The following RNF130 variants were observed in gnomAD, a reference collection of about 807,000 sequenced individuals.
The protein encoded by RNF130 is E3 ubiquitin-protein ligase RNF130.
RNF130 carries 21 observed loss-of-function variants against 44.6 expected under a neutral mutation model. The ratio of observed to expected loss-of-function variants is 0.47; its 90% CI spans 0.33 to 0.68. The LOEUF (loss-of-function observed/expected upper bound fraction) is 0.68, where lower values mean the gene tolerates loss of function less well. Among genes scored for constraint, RNF130 ranks in the 30% least tolerant of loss-of-function variants. The probability of loss-of-function intolerance (pLI) is 0.02; values close to 1 mark genes in which losing one functional copy is unlikely to be tolerated. For synonymous variants in RNF130, 214 were observed against 210.4 expected (o/e 1.02, Z -0.15); for missense variants, 479 against 560.6 (o/e 0.85, Z 1.47).
chr5:179,983,672 TAA>T (rs1253634526), intron 3 of RNF130, among the ~76,000 whole-genome samples: 1 of 152,180 alleles, frequency 6.6e-6, no homozygotes, highest in African/African-American at 2.4e-5. Context: ...ATCTCTATGA[TAA>T]AAGACATCAG....
intron 4 of RNF130, among the ~76,000 whole-genome samples, chr5:179,979,105 G>T (rs1157178820): frequency 6.6e-6 from 1 of 151,930 alleles, no homozygotes; most frequent in Non-Finnish European, 1.5e-5. Flanking sequence ...AGTCAGATGG[G>T]TAGGTTAAAT....
intron 1 of RNF130, among the ~76,000 whole-genome samples, chr5:180,052,810 T>C (rs934829520): frequency 6.6e-6 from 1 of 152,088 alleles, no homozygotes; most frequent in Non-Finnish European, 1.5e-5. Context: ...CTGAGAGAGA[T>C]TGCTCACCTG....
At chr5:179,998,282 T>C (rs1027718572) in intron 3 of RNF130, among the ~76,000 whole-genome samples, 1 of 152,254 alleles carries the variant, frequency 6.6e-6, no homozygotes, top group Non-Finnish European at 1.5e-5. Context: ...TATTTTCTTT[T>C]CATTTTACTG....
chr5:179,995,546 G>A (rs1763181620), intron 3 of RNF130, among the ~76,000 whole-genome samples: 1 of 152,210 alleles, frequency 6.6e-6, no homozygotes, highest in Admixed American at 6.5e-5. Flanking sequence ...TTTGCTATGA[G>A]CTAGGACTGA....
At chr5:179,968,656 ACT>A (rs1384521738) in intron 6 of RNF130, among the ~76,000 whole-genome samples, 7 of 140,516 alleles carry the variant, frequency 5.0e-5, no homozygotes, top group Non-Finnish European at 7.5e-5. Context: ...ACAAAGGGAG[ACT>A]CTGTCTCATA....
downstream of RNF130, among the ~76,000 whole-genome samples, chr5:179,950,308 G>A (rs997967101): frequency 3.3e-5 from 5 of 151,976 alleles, no homozygotes; most frequent in Admixed American, 3.3e-4. Context: ...GTAGAGATGG[G>A]GTTTTGCCAT....
intron 7 of RNF130, among the ~76,000 whole-genome samples, chr5:179,930,765 G>A (rs757887135): frequency 2.0e-4 from 31 of 152,142 alleles, no homozygotes; most frequent in Non-Finnish European, 3.8e-4. Context: ...GAGGCTGGGC[G>A]TGGTGGCTCA....
intron 7 of RNF130, among the ~76,000 whole-genome samples, chr5:179,949,017 A>T: frequency 6.7e-6 from 1 of 148,798 alleles, no homozygotes; most frequent in Non-Finnish European, 1.5e-5. Flanking sequence ...CCAGGCTGGA[A>T]TGCAACGGTA....
chr5:179,963,550 T>C lies in RNF130; in HGVS notation c.1165A>G (p.Ile389Val). 3.7e-6 allele frequency: 6 copies of C among 1,612,728 alleles called. No homozygotes were observed. Among genetic ancestry groups the C allele is most frequent in the Non-Finnish European group, 5.1e-6 (6 of 1,178,780 alleles). The change falls in exon 8 of 9, where the codon ATT (isoleucine) becomes GTT (valine). Residue 389 changes from isoleucine to valine, a missense_variant. Transcript: ENST00000521389. The part of the protein sequence containing the change: ...NIAVTKEWFI[I>V]ASFGLLSALT... ...GCACTGAGGAGGCCAAAACTGGCAA[T>C]AATAAACCATTCTTCTGTTGACAAA...
intron 1 of RNF130, among the ~76,000 whole-genome samples, chr5:180,063,125 C>T (rs1483955261): frequency 6.6e-6 from 1 of 152,138 alleles, no homozygotes; most frequent in Non-Finnish European, 1.5e-5. Flanking sequence ...GATGACGAGC[C>T]ACTGCAGGGG....
At chr5:180,043,506 G>A (rs1764476449) in intron 1 of RNF130, among the ~76,000 whole-genome samples, 1 of 151,906 alleles carries the variant, frequency 6.6e-6, no homozygotes, top group South Asian at 2.1e-4. Flanking sequence ...TCTGCTCTTA[G>A]TAACCACCAC....
intron 3 of RNF130, among the ~76,000 whole-genome samples, chr5:179,989,496 T>G (rs1763030038): frequency 6.6e-6 from 1 of 152,216 alleles, no homozygotes; most frequent in Non-Finnish European, 1.5e-5. Flanking sequence ...CCCTTCACTA[T>G]TATCTATTTA....
intron 3 of RNF130, among the ~76,000 whole-genome samples, chr5:180,010,816 C>T (rs866307097): frequency 5.3e-5 from 8 of 151,592 alleles, no homozygotes; most frequent in South Asian, 2.1e-4. Context: ...GTATCCTGAC[C>T]GTGTTGTTGG....
intron 3 of RNF130, among the ~76,000 whole-genome samples, chr5:179,999,698 G>C (rs394588): frequency 0.33 from 49,894 of 152,026 alleles, 8,529 homozygotes; most frequent in East Asian, 0.44. Flanking sequence ...GCCTAGGCGA[G>C]CAAGCGAGAC....
At chr5:179,992,645 T>G (rs1763112263) in intron 3 of RNF130, among the ~76,000 whole-genome samples, 1 of 152,242 alleles carries the variant, frequency 6.6e-6, no homozygotes, top group Non-Finnish European at 1.5e-5. Context: ...TTATATTGAC[T>G]TCTTCACATC....
intron 8 of RNF130, among the ~76,000 whole-genome samples, chr5:179,955,883 C>T (rs1423186874): frequency 6.6e-6 from 1 of 152,176 alleles, no homozygotes; most frequent in African/African-American, 2.4e-5. Context: ...TGCTTTAATA[C>T]TCCCAAAAGG....
intron 1 of RNF130, among the ~76,000 whole-genome samples, chr5:180,070,412 AAAG>A (rs1446041363): frequency 6.6e-6 from 1 of 152,224 alleles, no homozygotes; most frequent in Non-Finnish European, 1.5e-5. Flanking sequence ...AGACTGTCTC[AAAG>A]AAGAAAACAG....
At chr5:180,012,134 G>A (rs1763608274) in intron 3 of RNF130, among the ~76,000 whole-genome samples, 1 of 152,124 alleles carries the variant, frequency 6.6e-6, no homozygotes, top group African/African-American at 2.4e-5. Flanking sequence ...AGGGTGAGGG[G>A]TCATGGTGAA....
chr5:180,052,331 G>C (rs1764705182), intron 1 of RNF130, among the ~76,000 whole-genome samples: 1 of 152,160 alleles, frequency 6.6e-6, no homozygotes, highest in Non-Finnish European at 1.5e-5. Context: ...CGTCTTTCCA[G>C]TGTAGAGTTC....
Sources: allele counts gnomAD v4.1 joint callset (sites outside exome capture counted in the v4.1 genomes callset), GRCh38; gene constraint gnomAD v4.1.1; transcripts MANE v1.5; gene names NCBI Gene and HGNC (gene_info 2026-07-23, HGNC 2026-07-21).